Variants in PCMT1 observed in about 807,000 individuals in gnomAD.
The protein encoded by PCMT1 is protein-L-isoaspartate (D-aspartate) O-methyltransferase, also known as protein-L-isoaspartate(D-aspartate) O-methyltransferase.
Under a neutral mutation model 29.2 loss-of-function variants are expected in PCMT1, and 9 were observed. The observed-to-expected ratio is 0.31, with a 90% CI of 0.19 to 0.54. The LOEUF (loss-of-function observed/expected upper bound fraction) is 0.54, where lower values mean the gene tolerates loss of function less well. Among genes scored for constraint, PCMT1 ranks in the 20% least tolerant of loss-of-function variants. The pLI is 0.95. For synonymous variants in PCMT1, 98 were observed against 97.5 expected (o/e 1.00, Z -0.03); for missense variants, 184 against 282.2 (o/e 0.65, Z 2.49).
At chr6:149,756,588 C>A (rs1282403428) in intron 1 of PCMT1, among the ~76,000 whole-genome samples, 1 of 136,520 alleles carries the variant, frequency 7.3e-6, no homozygotes, top group Non-Finnish European at 1.5e-5. Context: ...AGGTCTCAAA[C>A]CCCTGGGCTC....
intron 2 of PCMT1, chr6:149,772,419 A>C (rs955766161): frequency 6.2e-6 from 2 of 320,888 alleles, no homozygotes; most frequent in African/African-American, 4.4e-5. Context: ...AGTTGACAGA[A>C]ATATGAAGCA....
intron 3 of PCMT1, among the ~76,000 whole-genome samples, chr6:149,787,288 G>GGAGAGGGAGAC (rs1788152155): frequency 6.8e-6 from 1 of 147,612 alleles, no homozygotes; most frequent in East Asian, 2.0e-4. Flanking sequence ...GAGACCGTGG[G>GGAGAGGGAGAC]TAGAGGGAGA....
chr6:149,805,546 A>G (rs1414402872), intron 7 of PCMT1, among the ~76,000 whole-genome samples: 1 of 151,616 alleles, frequency 6.6e-6, no homozygotes, highest in South Asian at 2.1e-4. Context: ...GTGAGCTGAG[A>G]TCGCGCCATT....
intron 1 of PCMT1, among the ~76,000 whole-genome samples, chr6:149,766,278 A>C (rs948128877): frequency 4.6e-5 from 7 of 152,178 alleles, no homozygotes; most frequent in Non-Finnish European, 8.8e-5. Flanking sequence ...TTCCTCAGAA[A>C]GGGCTTGTGT....
chr6:149,775,703 T>A (rs1345547770), intron 3 of PCMT1, among the ~76,000 whole-genome samples: 1 of 152,144 alleles, frequency 6.6e-6, no homozygotes, highest in Non-Finnish European at 1.5e-5. Flanking sequence ...GACCCTCATC[T>A]CAATAATAAT....
At chr6:149,773,089 G>A in intron 2 of PCMT1, 49 bp from the exon 3 acceptor site, 1 of 1,393,216 alleles carries the variant, frequency 7.2e-7, no homozygotes, top group Non-Finnish European at 1.0e-6. Flanking sequence ...ATGTGAAATA[G>A]TATATTTTTA....
intron 4 of PCMT1, among the ~76,000 whole-genome samples, chr6:149,790,971 A>C (rs1788341024): frequency 6.6e-6 from 1 of 151,860 alleles, no homozygotes. Flanking sequence ...GCACCACTGC[A>C]CTCCAGCCTG....
intron 1 of PCMT1, among the ~76,000 whole-genome samples, chr6:149,758,843 A>G (rs1786624860): frequency 1.3e-5 from 2 of 152,296 alleles, no homozygotes; most frequent in South Asian, 2.1e-4. Flanking sequence ...GTAACTTGCC[A>G]TCACATAAAA....
chr6:149,750,732 C>G (rs1353847590), intron 1 of PCMT1, among the ~76,000 whole-genome samples: 1 of 152,138 alleles, frequency 6.6e-6, no homozygotes, highest in Non-Finnish European at 1.5e-5. Context: ...TTATATCACT[C>G]TCCTTAGTTA....
At chr6:149,789,917 C>T (rs748278297) in intron 3 of PCMT1, 37 bp from the exon 4 acceptor site, 1 of 1,395,036 alleles carries the variant, frequency 7.2e-7, no homozygotes, top group Non-Finnish European at 1.0e-6. Context: ...GATGTGTGTA[C>T]TTTAGTCTTA....
At chr6:149,801,206 A>C (rs922924320) in intron 6 of PCMT1, among the ~76,000 whole-genome samples, 10 of 152,224 alleles carry the variant, frequency 6.6e-5, no homozygotes, top group Non-Finnish European at 1.5e-4. Flanking sequence ...AATGGGACCA[A>C]GTCTAAACAT....
intron 3 of PCMT1, among the ~76,000 whole-genome samples, chr6:149,787,302 TG>T (rs1788154571): frequency 6.9e-6 from 1 of 145,382 alleles, no homozygotes; most frequent in African/African-American, 2.6e-5. Flanking sequence ...AGGGAGACCG[TG>T]GGGAGAGGGA....
At chr6:149,785,515 A>C (rs1466717290) in intron 3 of PCMT1, among the ~76,000 whole-genome samples, 2 of 151,138 alleles carry the variant, frequency 1.3e-5, no homozygotes, top group African/African-American at 4.9e-5. Flanking sequence ...TAAACAAGTG[A>C]ACAAAGGTCT....
At chr6:149,751,101 G>A (rs978619056) in intron 1 of PCMT1, among the ~76,000 whole-genome samples, 7 of 152,106 alleles carry the variant, frequency 4.6e-5, no homozygotes, top group Non-Finnish European at 1.0e-4. Flanking sequence ...TGGATTACCT[G>A]AGTTCAGGAG....
chr6:149,787,387 G>C (rs1164654989), intron 3 of PCMT1, among the ~76,000 whole-genome samples: 1 of 148,660 alleles, frequency 6.7e-6, no homozygotes, highest in Non-Finnish European at 1.5e-5. Flanking sequence ...TTTTTTTTGA[G>C]ACGGAATCTC....
At chr6:149,769,770 ATTTTTTTTT>A (rs34274281) in intron 1 of PCMT1, among the ~76,000 whole-genome samples, 18 of 99,726 alleles carry the variant, frequency 1.8e-4, no homozygotes, top group East Asian at 3.4e-4. Flanking sequence ...AGCTAATTAA[ATTTTTTTTT>A]TTTTTTTTTT....
intron 2 of PCMT1, chr6:149,772,621 C>T (rs772459767): frequency 1.8e-5 from 8 of 454,916 alleles, no homozygotes; most frequent in Non-Finnish European, 2.6e-5. Context: ...TAGATGAGCA[C>T]GTTACCCTTT....
intron 1 of PCMT1, among the ~76,000 whole-genome samples, chr6:149,756,738 A>T (rs1786526818): frequency 1.3e-5 from 2 of 151,580 alleles, no homozygotes; most frequent in South Asian, 2.1e-4. Context: ...AAATCCTAAG[A>T]AATTGGAGCC....
At chr6:149,780,165 C>T (rs1347475586) in intron 3 of PCMT1, among the ~76,000 whole-genome samples, 1 of 151,964 alleles carries the variant, frequency 6.6e-6, no homozygotes, top group African/African-American at 2.4e-5. Flanking sequence ...ATGGTGAGAT[C>T]CCATCTCTAC....
Sources: allele counts gnomAD v4.1 joint callset (sites outside exome capture counted in the v4.1 genomes callset), GRCh38; gene constraint gnomAD v4.1.1; transcripts MANE v1.5; gene names NCBI Gene and HGNC (gene_info 2026-07-23, HGNC 2026-07-21).